FAM222A: variants seen among roughly 807,000 people sequenced by gnomAD.
FAM222A encodes the protein family with sequence similarity 222 member A.
FAM222A carries 7 observed loss-of-function variants against 25.8 expected under a neutral mutation model. The ratio of observed to expected loss-of-function variants is 0.27; its 90% CI spans 0.15 to 0.51. The LOEUF is 0.51. Among genes scored for constraint, FAM222A ranks in the 20% least tolerant of loss-of-function variants. FAM222A has a pLI of 0.97. For missense variants in FAM222A, 573 were observed against 640.5 expected (o/e 0.89, Z 1.14); for synonymous variants, 294 against 298.8 (o/e 0.98, Z 0.17).
At chr12:109,746,991 A>G (rs1449896978) in intron 2 of FAM222A, among the ~76,000 whole-genome samples, 1 of 152,234 alleles carries the variant, frequency 6.6e-6, no homozygotes, top group Non-Finnish European at 1.5e-5. Flanking sequence ...AAATCACAAA[A>G]TCTGAAATGC....
In FAM222A at chr12:109,768,918, A is replaced by C. The variant is rs1335152321; in HGVS notation, c.989A>C (p.Asn330Thr). The C allele has an allele frequency of 6.3e-7, 1 of 1,581,018 alleles. No individual in the cohort carries two copies. Among genetic ancestry groups the C allele is most frequent in the African/African-American group, 1.3e-5 (1 of 74,570 alleles). ...AYERASGSPL[N>T]CGVGLPTSFT... ...GAGCGGGCCAGCGGGTCACCCCTCA[A>C]CTGTGGCGTGGGGCTGCCCACCAGC... The change falls in exon 3 of 3, where the codon AAC (asparagine) becomes ACC (threonine). Residue 330 changes from asparagine (N) to threonine (T), a missense_variant. Physicochemically the swap from Asn to Thr is moderately conservative, Grantham distance 65 (BLOSUM62 0). Coordinates refer to ENST00000538780, the MANE Select transcript of FAM222A (RefSeq NM_032829.3).
At position 109,714,355 on chromosome 12, in the gene FAM222A, C is replaced by T. The variant is rs7958870; in HGVS notation, c.-589C>T. Reference sequence around the variant, plus strand: ...GTGTATGTCCGGCGAGGAGCCGGGGCCGCTGCGGGTGCGTGCAACCCCCGA... The same window carrying T: ...GTGTATGTCCGGCGAGGAGCCGGGGTCGCTGCGGGTGCGTGCAACCCCCGA... On this transcript the variant is annotated 5_prime_UTR_variant, in exon 1 of 3. Coordinates refer to ENST00000538780, the MANE Select transcript of FAM222A (RefSeq NM_032829.3). The surrounding 1 kb of genome is among the most constrained non-coding windows in gnomAD (Gnocchi z 4.2). 14,706 of 153,348 alleles carry T rather than the reference C, an allele frequency of 0.096. 1,156 individuals are homozygous for T. The highest frequency in any genetic ancestry group is 0.21 in the African/African-American group (8,912 of 41,498). 9.5% of individuals were successfully genotyped at this position (153,348 alleles called of 1,614,324 possible).
rs1396688714 is a variant in FAM222A, at chr12:109,768,907, G to C, written c.978G>C (p.Gly326=). ...CGGRAYERAS[G]SPLNCGVGLP... is the part of the protein sequence containing the mutation. ...GCCGGGCATACGAGCGGGCCAGCGG[G>C]TCACCCCTCAACTGTGGCGTGGGGC... Residue 326 remains glycine (G), a synonymous_variant, in exon 3 of 3, where the codon GGG becomes GGC. Coordinates refer to ENST00000538780, the MANE Select transcript of FAM222A (RefSeq NM_032829.3). 1.9e-6 allele frequency: 3 copies of C among 1,582,406 alleles called. No individual in the cohort carries two copies. Among genetic ancestry groups the C allele is most frequent in the African/African-American group, 1.3e-5 (1 of 74,608 alleles).
chr12:109,745,575 GTC>G (rs1888377198), intron 2 of FAM222A, among the ~76,000 whole-genome samples: 1 of 152,208 alleles, frequency 6.6e-6, no homozygotes, highest in South Asian at 2.1e-4. Context: ...GTGTGAGAGA[GTC>G]TGTTCCCCAC....
intron 2 of FAM222A, among the ~76,000 whole-genome samples, chr12:109,764,665 C>G (rs1693103870): frequency 6.6e-6 from 1 of 152,106 alleles, no homozygotes; most frequent in Non-Finnish European, 1.5e-5. Context: ...TTTGCTGACT[C>G]CAGTAGGTTA....
Position 109,769,490 on chromosome 12 carries a change from C to A in FAM222A, c.*202C>A. ...CTCACATACCAAGGCCCCTCCCCAC[C>A]ATCGGTTGCCCCAGGACACAGTGAG... is the stretch of plus-strand genomic sequence containing the variant. On this transcript the variant is annotated 3_prime_UTR_variant, in exon 3 of 3. Transcript: ENST00000538780. 1.6e-6 allele frequency: 1 copy of A among 641,500 alleles called. No homozygotes were observed. Among genetic ancestry groups the A allele is most frequent in the South Asian group, 2.0e-5 (1 of 50,020 alleles). The allele number at this position is 641,500 out of a possible 1,614,324, so 39.7% of individuals were successfully genotyped here.
intron 1 of FAM222A, among the ~76,000 whole-genome samples, chr12:109,715,967 C>T (rs1013589708): frequency 1.3e-5 from 2 of 152,178 alleles, no homozygotes; most frequent in Non-Finnish European, 2.9e-5. Flanking sequence ...CACCCCTAGT[C>T]CAGGGGCTCC....
chr12:109,736,478 T>C lies in FAM222A; in HGVS notation c.-46-7623T>C, dbSNP rs116234060. On this transcript the variant is annotated intron_variant, in intron 1 of 2. Coordinates refer to ENST00000538780, the MANE Select transcript of FAM222A (RefSeq NM_032829.3). ...AGGGTGTAAAGCTCAGACATCCGGA[T>C]GTGAAGTCGGGGACAGACACTGTCG... Among the ~76,000 whole-genome samples the C allele has an allele frequency of 6.2e-4, 95 of 152,298 alleles. 1 individual carries two copies. The highest frequency in any genetic ancestry group is 6.8e-3 in the Middle Eastern group (2 of 294).
Position 109,762,326 on chromosome 12 carries a change from CAT to C in FAM222A, c.83-5685_83-5684del, listed in dbSNP as rs377180555. ...AATCTTCTGAAGACCTGCATGCTCA[CAT>C]GTTAGGCCTCAGCTTCGTCAGAACG... On this transcript the variant is annotated intron_variant, in intron 2 of 2. Coordinates refer to ENST00000538780, the MANE Select transcript of FAM222A (RefSeq NM_032829.3). 1.2e-4 allele frequency among the ~76,000 whole-genome samples: 18 copies of C among 152,344 alleles called. No individual in the cohort carries two copies. The East Asian group carries it at 3.1e-3, about 26-fold the overall frequency.
At position 109,769,082 on chromosome 12, in the gene FAM222A, G is replaced by A; in HGVS notation, c.1153G>A (p.Ala385Thr). The A allele has an allele frequency of 1.9e-6, 3 of 1,604,464 alleles. No individual in the cohort carries two copies. The highest frequency in any genetic ancestry group is 2.6e-6 in the Non-Finnish European group (3 of 1,176,308). ...GAARELAGPP[A>T]DALSGLPSKS... is the part of the protein sequence containing the mutation. ...AGCCCGGGAGCTGGCTGGGCCCCCT[G>A]CAGATGCCCTCTCGGGCCTGCCCAG... Residue 385 changes from alanine to threonine, a missense_variant, in exon 3 of 3, where the codon GCA becomes ACA. Coordinates refer to ENST00000538780, the MANE Select transcript of FAM222A (RefSeq NM_032829.3).
chr12:109,716,767 ATTCC>A (rs1346395544), intron 1 of FAM222A, among the ~76,000 whole-genome samples: 1 of 152,228 alleles, frequency 6.6e-6, no homozygotes, highest in Non-Finnish European at 1.5e-5. Context: ...GAATTGGGCA[ATTCC>A]TTCTGTTCCC....
At chr12:109,765,748 G>C (rs1260026620) in intron 2 of FAM222A, among the ~76,000 whole-genome samples, 1 of 152,224 alleles carries the variant, frequency 6.6e-6, no homozygotes, top group African/African-American at 2.4e-5. Context: ...TGATCAGTGG[G>C]GAGGTAGCAG....
At chr12:109,752,388 A>G (rs1357159140) in intron 2 of FAM222A, among the ~76,000 whole-genome samples, 1 of 152,252 alleles carries the variant, frequency 6.6e-6, no homozygotes, top group African/African-American at 2.4e-5. Context: ...TGCTGCTGCC[A>G]ATCAGTGCCT....
intron 2 of FAM222A, among the ~76,000 whole-genome samples, chr12:109,758,917 G>A (rs1037213979): frequency 1.3e-5 from 2 of 152,198 alleles, no homozygotes; most frequent in East Asian, 1.9e-4. Flanking sequence ...AGTAGACAAA[G>A]CGTGCAACGG....
chr12:109,758,182 CAT>C (rs1052370004), intron 2 of FAM222A, among the ~76,000 whole-genome samples: 7 of 152,210 alleles, frequency 4.6e-5, no homozygotes, highest in Admixed American at 1.3e-4. Context: ...TCTGGGCACA[CAT>C]GTGAGCATCT....
chr12:109,743,852 G>T, intron 1 of FAM222A: 1 of 985,412 alleles, frequency 1.0e-6, no homozygotes, highest in Non-Finnish European at 1.2e-6. Flanking sequence ...AGCAGGGCCG[G>T]GGCATGTGTG....
chr12:109,749,294 C>T (rs942113722), intron 2 of FAM222A, among the ~76,000 whole-genome samples: 5 of 152,046 alleles, frequency 3.3e-5, no homozygotes, highest in South Asian at 4.1e-4. Context: ...TTAGTAGAGA[C>T]GGGGTTTCTC....
chr12:109,733,293 C>G (rs1887991537), intron 1 of FAM222A, among the ~76,000 whole-genome samples: 1 of 152,170 alleles, frequency 6.6e-6, no homozygotes, highest in Non-Finnish European at 1.5e-5. Flanking sequence ...ACTGATTACA[C>G]ATTGAAGTGA....
intron 1 of FAM222A, among the ~76,000 whole-genome samples, chr12:109,727,187 T>C (rs2136322240): frequency 6.6e-6 from 1 of 152,120 alleles, no homozygotes; most frequent in Non-Finnish European, 1.5e-5. Flanking sequence ...GAGGCCAGGC[T>C]GGGACACACT....
Sources: gnomAD v4.1 joint callset for allele counts (sites outside exome capture counted in the v4.1 genomes callset) on GRCh38, gnomAD v4.1.1 for gene constraint, Gnocchi (gnomAD v3.1) non-coding constraint, MANE v1.5 for transcripts, NCBI Gene and HGNC (gene_info 2026-07-23, HGNC 2026-07-21) for gene names.